Variants in RARB observed in about 807,000 individuals in gnomAD.
The protein encoded by RARB is retinoic acid receptor beta, also known as HBV-activated protein.
In RARB, 17 loss-of-function variants were observed where a neutral mutation model predicts 51.9. That is an observed-to-expected ratio of 0.33 (90% CI 0.22 to 0.49). The LOEUF (loss-of-function observed/expected upper bound fraction) is 0.49, where lower values mean the gene tolerates loss of function less well. Ranked by LOEUF, RARB falls within the 20% of genes least tolerant of loss-of-function variation. RARB has a pLI of 0.99. For synonymous variants in RARB, 215 were observed against 195.4 expected (o/e 1.10, Z -0.84); for missense variants, 369 against 550.8 (o/e 0.67, Z 3.30).
At chr3:24,940,742 A>C (rs534418804) in intron 2 of RARB, among the ~76,000 whole-genome samples, 2 of 152,330 alleles carry the variant, frequency 1.3e-5, no homozygotes, top group East Asian at 3.9e-4. Flanking sequence ...AGTGACAGGA[A>C]GTGGGGAAAG....
intron 5 of RARB, among the ~76,000 whole-genome samples, chr3:25,383,523 T>C (rs1706692858): frequency 6.6e-6 from 1 of 152,274 alleles, no homozygotes; most frequent in Non-Finnish European, 1.5e-5. Flanking sequence ...CATCAGCATC[T>C]GCACTGCTGT....
chr3:24,887,073 G>C (rs4858131), intron 2 of RARB, among the ~76,000 whole-genome samples: 110,997 of 152,190 alleles, frequency 0.73, 41,454 homozygotes, highest in East Asian at 0.88. Context: ...GCATGAAAAT[G>C]AGTATATTCT....
intron 2 of RARB, among the ~76,000 whole-genome samples, chr3:25,477,084 C>G (rs1203179052): frequency 6.6e-6 from 1 of 152,170 alleles, no homozygotes; most frequent in African/African-American, 2.4e-5. Flanking sequence ...AGGACAATAG[C>G]TATGGGGCAA....
At chr3:25,466,937 C>T (rs7616467) in intron 2 of RARB, among the ~76,000 whole-genome samples, 57,868 of 152,090 alleles carry the variant, frequency 0.38, 11,313 homozygotes, top group African/African-American at 0.46. Context: ...GAAGCTGGTG[C>T]CCCAAAGCTC....
At chr3:25,583,659 C>T (rs1422603353) in intron 5 of RARB, among the ~76,000 whole-genome samples, 1 of 152,192 alleles carries the variant, frequency 6.6e-6, no homozygotes, top group African/African-American at 2.4e-5. Context: ...CTGTCCTGCC[C>T]TTGCTCACCT....
chr3:25,372,237 G>C (rs549761420), intron 5 of RARB, among the ~76,000 whole-genome samples: 5 of 152,268 alleles, frequency 3.3e-5, no homozygotes, highest in African/African-American at 1.2e-4. Context: ...TTTCATTCTG[G>C]ATAATTCTTT....
intron 2 of RARB, among the ~76,000 whole-genome samples, chr3:25,466,218 A>C (rs1695422836): frequency 6.6e-6 from 1 of 152,032 alleles, no homozygotes; most frequent in Non-Finnish European, 1.5e-5. Context: ...ACGGAGTTTC[A>C]CTCTTGTTGC....
At chr3:24,905,592 G>A (rs1384291938) in intron 2 of RARB, among the ~76,000 whole-genome samples, 1 of 152,190 alleles carries the variant, frequency 6.6e-6, no homozygotes, top group African/African-American at 2.4e-5. Context: ...TTTAAAAAAG[G>A]AAAAGGATAG....
At chr3:25,147,178 G>A (rs1420692247) in intron 4 of RARB, among the ~76,000 whole-genome samples, 2 of 152,060 alleles carry the variant, frequency 1.3e-5, no homozygotes, top group East Asian at 1.9e-4. Flanking sequence ...ATTCAGTTTT[G>A]GGTTGCAACC....
At chr3:24,844,253 G>A (rs549927646) in intron 1 of RARB, among the ~76,000 whole-genome samples, 11 of 152,302 alleles carry the variant, frequency 7.2e-5, no homozygotes, top group Non-Finnish European at 1.3e-4. Context: ...TGTCACATGC[G>A]TGCAGCCAGA....
In RARB at chr3:25,246,040, C is replaced by A. The variant is rs541200643; in HGVS notation, c.178+71465C>A. Among the ~76,000 whole-genome samples, 5 of 152,020 alleles carry A rather than the reference C, an allele frequency of 3.3e-5. 1 individual carries two copies. The highest frequency in any genetic ancestry group is 1.2e-4 in the African/African-American group (5 of 41,488). On this transcript the variant is annotated intron_variant, in intron 5 of 11. Coordinates refer to the RARB transcript ENST00000383772. ...CCCTTTCCATTCTTTTTTCTCTAATCTTGTCTTCATGCTTTATTTCTTTAA... is the reference window on the plus strand; with the variant it reads ...CCCTTTCCATTCTTTTTTCTCTAATATTGTCTTCATGCTTTATTTCTTTAA...
intron 2 of RARB, among the ~76,000 whole-genome samples, chr3:25,033,865 G>A (rs1226193901): frequency 2.0e-5 from 3 of 152,136 alleles, no homozygotes. Context: ...ACCGACAAAC[G>A]TATATTCAAG....
intron 5 of RARB, among the ~76,000 whole-genome samples, chr3:25,176,372 TC>T (rs1559493228): frequency 3.2e-4 from 42 of 132,036 alleles, no homozygotes; most frequent in African/African-American, 9.6e-4. Context: ...CTTCCTTCCT[TC>T]CTTCCTTCCT....
At chr3:25,000,178 A>G (rs1036711874) in intron 2 of RARB, among the ~76,000 whole-genome samples, 2 of 152,058 alleles carry the variant, frequency 1.3e-5, no homozygotes, top group African/African-American at 4.8e-5. Context: ...CTACTTTGAT[A>G]TGGGTGCAAT....
intron 5 of RARB, among the ~76,000 whole-genome samples, chr3:25,356,779 C>G (rs148878480): frequency 1.6e-3 from 245 of 152,196 alleles, no homozygotes; most frequent in African/African-American, 5.7e-3. Flanking sequence ...GTTTTCTGTT[C>G]CTGTGTTAGT....
chr3:24,977,387 C>A (rs1035439764), intron 2 of RARB, among the ~76,000 whole-genome samples: 1 of 152,086 alleles, frequency 6.6e-6, no homozygotes, highest in Non-Finnish European at 1.5e-5. Context: ...TTCTTCCTAC[C>A]CATGAGCGTG....
intron 2 of RARB, among the ~76,000 whole-genome samples, chr3:25,495,306 A>G (rs1445042484): frequency 2.6e-5 from 4 of 152,230 alleles, no homozygotes; most frequent in Non-Finnish European, 5.9e-5. Context: ...AGGGAGATGA[A>G]CCACTTTTTT....
intron 5 of RARB, among the ~76,000 whole-genome samples, chr3:25,213,342 C>T (rs1701744476): frequency 6.6e-6 from 1 of 152,056 alleles, no homozygotes; most frequent in Admixed American, 6.6e-5. Flanking sequence ...GTCTGACATC[C>T]TTAGCTCAAT....
rs147998562 is a variant in RARB at position 24,868,390 on chromosome 3, C to G, written c.-380+9638C>G. ...AAGCTTTTAAAAAGTGAATTCTTTT[C>G]AAAATACTTTATATATTAACTCTGT... On this transcript the variant is annotated intron_variant, in intron 2 of 11. Coordinates refer to the RARB transcript ENST00000383772. Among the ~76,000 whole-genome samples, 6 of 152,200 alleles carry G rather than the reference C, an allele frequency of 3.9e-5. No individual in the cohort carries two copies. In the East Asian group the frequency reaches 1.2e-3, roughly 29 times the overall value.
Sources: allele counts gnomAD v4.1 joint callset (sites outside exome capture counted in the v4.1 genomes callset), GRCh38; gene constraint gnomAD v4.1.1; transcripts MANE v1.5; gene names NCBI Gene and HGNC (gene_info 2026-07-23, HGNC 2026-07-21).